The following SLMAP variants were observed in gnomAD, a reference collection of about 807,000 sequenced individuals.
SLMAP encodes sarcolemma associated protein.
A neutral mutation model predicts 128.8 loss-of-function variants in SLMAP; 44 were observed. That is an observed-to-expected ratio of 0.34 (90% CI 0.27 to 0.44). SLMAP has a LOEUF of 0.44. SLMAP is among the 20% of genes least tolerant of loss of function. SLMAP has a pLI of 1.00. For missense variants in SLMAP, 787 were observed against 985.3 expected, an observed-to-expected ratio of 0.80 and a Z score of 2.69; for synonymous variants, 327 against 348.8, an observed-to-expected ratio of 0.94 and a Z score of 0.70.
rs1304300222 is a variant in SLMAP, at chr3:57,896,871, A to G, written c.1442-2A>G. 1.2e-6 allele frequency: 2 copies of G among 1,602,690 alleles called. No homozygotes were observed. On this transcript the variant is annotated splice_acceptor_variant, in intron 16 of 24. Coordinates refer to ENST00000671191, the MANE Select transcript of SLMAP (RefSeq NM_001377540.1). LOFTEE classifies it high-confidence loss of function. Reference sequence around the variant, plus strand: ...ATATATGTATTTTTTTCCTCTCTGTAGACGCCCAAATGGATGAGCAAGACC... The same window carrying G: ...ATATATGTATTTTTTTCCTCTCTGTGGACGCCCAAATGGATGAGCAAGACC...
chr3:57,791,520 A>G (rs2085452988), intron 2 of SLMAP, among the ~76,000 whole-genome samples: 1 of 152,174 alleles, frequency 6.6e-6, no homozygotes, highest in Non-Finnish European at 1.5e-5. Flanking sequence ...CTAAGATAAC[A>G]TCCCTGAAAC....
At chr3:57,906,449 G>A (rs1392922290) in intron 17 of SLMAP, among the ~76,000 whole-genome samples, 4 of 148,060 alleles carry the variant, frequency 2.7e-5, no homozygotes, top group Non-Finnish European at 4.5e-5. Flanking sequence ...CTGAGTAGCT[G>A]GGATTACAGG....
At chr3:57,922,761 TAAAC>T (rs1244251914) in intron 22 of SLMAP, 124 bp from the exon 23 acceptor site, 91 of 848,078 alleles carry the variant, frequency 1.1e-4, no homozygotes, top group Non-Finnish European at 1.6e-4. Context: ...TATTCCTCCT[TAAAC>T]AAAAAGACTT....
intron 13 of SLMAP, among the ~76,000 whole-genome samples, chr3:57,866,518 A>G (rs1461145445): frequency 2.6e-5 from 4 of 152,202 alleles, no homozygotes; most frequent in Non-Finnish European, 5.9e-5. Flanking sequence ...GAAACTCTCA[A>G]GAAAAATGTT....
At chr3:57,890,885 A>G (rs917345241) in intron 15 of SLMAP, 10 of 152,222 alleles carry the variant, frequency 6.6e-5, no homozygotes, top group African/African-American at 2.4e-4. Context: ...CTATTTTATT[A>G]AAGTAACTGG....
chr3:57,851,489 T>G (rs1043927460), intron 6 of SLMAP, among the ~76,000 whole-genome samples: 5 of 151,770 alleles, frequency 3.3e-5, no homozygotes, highest in Admixed American at 6.6e-5. Context: ...TTTTTTTTTT[T>G]TGAAATGGAC....
intron 6 of SLMAP, among the ~76,000 whole-genome samples, chr3:57,851,553 A>C (rs150290089): frequency 6.7e-6 from 1 of 148,556 alleles, no homozygotes; most frequent in Admixed American, 6.7e-5. Flanking sequence ...GCTCATTGCA[A>C]CCTCCACCTC....
intron 6 of SLMAP, among the ~76,000 whole-genome samples, chr3:57,852,759 T>C (rs2094553357): frequency 6.6e-6 from 1 of 152,224 alleles, no homozygotes; most frequent in African/African-American, 2.4e-5. Flanking sequence ...TGTATACTAC[T>C]GTTACTAGTC....
intron 14 of SLMAP, among the ~76,000 whole-genome samples, chr3:57,876,801 A>T (rs1215383598): frequency 6.6e-6 from 1 of 152,238 alleles, no homozygotes; most frequent in Admixed American, 6.5e-5. Context: ...AAGGACATGG[A>T]GAACTGCCAT....
At chr3:57,784,004 G>C (rs2083569489) in intron 2 of SLMAP, among the ~76,000 whole-genome samples, 2 of 152,104 alleles carry the variant, frequency 1.3e-5, no homozygotes, top group Admixed American at 6.5e-5. Flanking sequence ...GTGTACACTT[G>C]GTGATAATTC....
At chr3:57,916,860 C>G in intron 21 of SLMAP, 46 bp from the exon 22 acceptor site, 1 of 1,530,956 alleles carries the variant, frequency 6.5e-7, no homozygotes, top group Non-Finnish European at 9.0e-7. Context: ...CCTTCTGTGT[C>G]CAGTTTCTAC....
chr3:57,861,831 A>G (rs113951286), intron 9 of SLMAP, 118 bp from the exon 10 acceptor site: 3 of 790,322 alleles, frequency 3.8e-6, no homozygotes, highest in Non-Finnish European at 6.2e-6. Flanking sequence ...AGTCCAGGGC[A>G]GATGTTGATT....
At chr3:57,878,144 C>T (rs1403059364) in intron 14 of SLMAP, among the ~76,000 whole-genome samples, 1 of 151,996 alleles carries the variant, frequency 6.6e-6, no homozygotes, top group Non-Finnish European at 1.5e-5. Context: ...CACCCGGCCT[C>T]CTTCTTAAAT....
At chr3:57,863,793 G>A (rs1458662111) in intron 10 of SLMAP, among the ~76,000 whole-genome samples, 1 of 152,112 alleles carries the variant, frequency 6.6e-6, no homozygotes, top group Non-Finnish European at 1.5e-5. Flanking sequence ...GAGGCTTGGG[G>A]GACGAACATC....
chr3:57,826,159 T>C (rs1273652823), intron 2 of SLMAP, among the ~76,000 whole-genome samples: 1 of 152,192 alleles, frequency 6.6e-6, no homozygotes, highest in African/African-American at 2.4e-5. Flanking sequence ...AAAATGAATT[T>C]TTCCTTTTAC....
intron 14 of SLMAP, among the ~76,000 whole-genome samples, chr3:57,875,055 C>G (rs1170856696): frequency 6.6e-6 from 1 of 151,890 alleles, no homozygotes; most frequent in Non-Finnish European, 1.5e-5. Context: ...AGAGATAGCA[C>G]AGAATTTATA....
intron 21 of SLMAP, 39 bp from the exon 22 acceptor site, chr3:57,916,867 C>A: frequency 6.4e-7 from 1 of 1,569,782 alleles, no homozygotes; most frequent in Non-Finnish European, 8.7e-7. Context: ...TGTCCAGTTT[C>A]TACCTGTGAA....
At chr3:57,896,777 C>T in intron 16 of SLMAP, 96 bp from the exon 17 acceptor site, 4 of 1,415,354 alleles carry the variant, frequency 2.8e-6, no homozygotes, top group East Asian at 4.7e-5. Context: ...AATATAATAG[C>T]TGTATCAATT....
rs571412966 is a variant in SLMAP at position 57,782,484 on chromosome 3, T to G, written c.198+24635T>G. 5.3e-4 allele frequency among the ~76,000 whole-genome samples: 80 copies of G among 152,300 alleles called. No individual in the cohort carries two copies. The South Asian group carries it at 0.016, about 30-fold the overall frequency. ...AGGTGGCCAAACTTTCCTTTTATTC[T>G]TCTTTGTTGAGACGGTCTCACTCTG... On this transcript the variant is annotated intron_variant, in intron 2 of 24. Transcript: ENST00000671191.
Sources: allele counts gnomAD v4.1 joint callset (sites outside exome capture counted in the v4.1 genomes callset), GRCh38; gene constraint gnomAD v4.1.1; transcripts MANE v1.5; gene names NCBI Gene and HGNC (gene_info 2026-07-23, HGNC 2026-07-21).